The following HERC2 variants were observed in gnomAD, a reference collection of about 807,000 sequenced individuals.
HERC2 encodes the protein E3 ubiquitin-protein ligase HERC2.
Under a neutral mutation model 537.7 loss-of-function variants are expected in HERC2, and 102 were observed. The ratio of observed to expected loss-of-function variants is 0.19; its 90% CI spans 0.16 to 0.22. The LOEUF is 0.22. HERC2 is among the 10% of genes least tolerant of loss of function. HERC2 has a pLI of 1.00. For synonymous variants in HERC2, 2,224 were observed against 2,466.2 expected (o/e 0.90, Z 2.91); for missense variants, 4,236 against 6,198.2 (o/e 0.68, Z 10.63).
chr15:28,189,215 G>C (rs1407565345), intron 55 of HERC2, among the ~76,000 whole-genome samples: 1 of 152,216 alleles, frequency 6.6e-6, no homozygotes, highest in Non-Finnish European at 1.5e-5. Flanking sequence ...GGTTAGGTCA[G>C]GAGTTTTCCA....
chr15:28,237,685 C>T (rs1441743857), intron 25 of HERC2, among the ~76,000 whole-genome samples: 1 of 152,272 alleles, frequency 6.6e-6, no homozygotes, highest in East Asian at 1.9e-4. Flanking sequence ...TATTACTTGT[C>T]GATACCTGGA....
At chr15:28,246,636 G>A in intron 22 of HERC2, 106 bp downstream of exon 22, 2 of 1,020,610 alleles carry the variant, frequency 2.0e-6, no homozygotes, top group Admixed American at 3.2e-5. Flanking sequence ...AGGAGGCCCA[G>A]AAAATTTAGA....
At chr15:28,284,014 T>C (rs1198262310) in intron 4 of HERC2, among the ~76,000 whole-genome samples, 9 of 152,236 alleles carry the variant, frequency 5.9e-5, no homozygotes, top group Non-Finnish European at 1.3e-4. Context: ...GTTTTATATA[T>C]AACTTATACA....
intron 20 of HERC2, among the ~76,000 whole-genome samples, chr15:28,251,380 C>A (rs962685688): frequency 1.1e-4 from 17 of 149,976 alleles, no homozygotes; most frequent in Non-Finnish European, 4.4e-5. Flanking sequence ...GAGGCAGAGG[C>A]TGCAGTGAGC....
rs780325521 is a variant in HERC2, at chr15:28,272,223, C to T, written c.1075G>A (p.Asp359Asn). Reference sequence around the variant, plus strand: ...TCCATCATGACACTCACGTGCATGTCGCCCTCGGAGTGGGGTGCATCCTTC... The same window carrying T: ...TCCATCATGACACTCACGTGCATGTTGCCCTCGGAGTGGGGTGCATCCTTC... ...CRKDAPHSEGDMHLLSGPLSP... is the reference protein window; with the variant it reads ...CRKDAPHSEGNMHLLSGPLSP... Residue 359 changes from aspartate to asparagine, a missense_variant, in exon 9 of 93, where the codon GAC (aspartate) becomes AAC (asparagine). By Grantham distance (23) the Asp-to-Asn change is conservative. This residue lies in a region of HERC2 where 491 missense variants were observed against 559.3 expected (regional missense o/e 0.88). Transcript: ENST00000261609. The T allele has an allele frequency of 3.8e-6, 6 of 1,596,594 alleles. No homozygotes were observed. Among genetic ancestry groups the T allele is most frequent in the Admixed American group, 3.5e-5 (2 of 56,946 alleles).
At chr15:28,187,681 G>A (rs1896442934) in intron 55 of HERC2, among the ~76,000 whole-genome samples, 1 of 152,112 alleles carries the variant, frequency 6.6e-6, no homozygotes, top group Admixed American at 6.6e-5. Flanking sequence ...TATTATCATA[G>A]CACAAACAAT....
At chr15:28,247,592 C>A (rs1340617753) in intron 21 of HERC2, among the ~76,000 whole-genome samples, 2 of 151,988 alleles carry the variant, frequency 1.3e-5, no homozygotes, top group African/African-American at 4.8e-5. Context: ...CTATGCCCAG[C>A]TAATTTTTTG....
At chr15:28,184,374 CTGT>C (rs1316111944) in intron 56 of HERC2, among the ~76,000 whole-genome samples, 2 of 152,022 alleles carry the variant, frequency 1.3e-5, no homozygotes, top group Non-Finnish European at 2.9e-5. Context: ...GGTGGCAGCC[CTGT>C]AGGAGGAGAC....
chr15:28,240,015 T>C (rs1902889857), intron 23 of HERC2, among the ~76,000 whole-genome samples: 1 of 152,110 alleles, frequency 6.6e-6, no homozygotes, highest in Non-Finnish European at 1.5e-5. Context: ...GATTAAGGAA[T>C]CACTGTTAAT....
chr15:28,269,039 A>G (rs1298152454), intron 11 of HERC2, among the ~76,000 whole-genome samples: 1 of 152,266 alleles, frequency 6.6e-6, no homozygotes, highest in Admixed American at 6.5e-5. Context: ...CACGATTAGC[A>G]ATGAGTTTCA....
In HERC2 at chr15:28,192,170, A is replaced by G; in HGVS notation, c.8261-19T>C. The G allele has an allele frequency of 6.3e-7, 1 of 1,599,874 alleles. No individual in the cohort carries two copies. Among genetic ancestry groups the G allele is most frequent in the South Asian group, 1.1e-5 (1 of 90,658 alleles). On this transcript the variant is annotated intron_variant, in intron 52 of 92. Coordinates refer to ENST00000261609, the MANE Select transcript of HERC2 (RefSeq NM_004667.6). ...GACTGACCTATTTCGTGATAGTCAA[A>G]AAGAGAATTAACCCTTGCTGAACTG...
intron 15 of HERC2, 22 bp from the exon 16 acceptor site, chr15:28,260,992 G>A: frequency 6.3e-7 from 1 of 1,589,850 alleles, no homozygotes; most frequent in East Asian, 2.2e-5. Flanking sequence ...GAGGGATGCA[G>A]ATGCAGCTTC....
intron 2 of HERC2, among the ~76,000 whole-genome samples, chr15:28,305,614 G>A (rs1410832968): frequency 3.6e-5 from 4 of 112,478 alleles, no homozygotes; most frequent in Admixed American, 9.8e-5. Context: ...GGACATAGGC[G>A]TGGGCAAGGA....
chr15:28,310,108 C>T (rs1311326898), intron 2 of HERC2, among the ~76,000 whole-genome samples: 36 of 152,128 alleles, frequency 2.4e-4, no homozygotes, highest in Admixed American at 2.4e-3. Flanking sequence ...AGTTTAAAAC[C>T]AATCTAGGCA....
chr15:28,218,507 C>T lies in HERC2; in HGVS notation c.6010G>A (p.Gly2004Arg), dbSNP rs772230438. Residue 2004 changes from glycine to arginine, a missense_variant, in exon 38 of 93, where the codon GGA becomes AGA. This residue lies in a region of HERC2 where 365 missense variants were observed against 468.8 expected (regional missense o/e 0.78). Coordinates refer to ENST00000261609, the MANE Select transcript of HERC2 (RefSeq NM_004667.6). ...TCCATACATGTCTTGTCCGTCGTTC[C>T]GCTTTCCACTAACATTCGCAGCAGT... is the stretch of plus-strand genomic sequence containing the variant. ...CGLLRMLVES[G>R]TTDKTSSPNR... is the part of the protein sequence containing the mutation. 1.4e-5 allele frequency: 23 copies of T among 1,595,988 alleles called. No individual in the cohort carries two copies. Among genetic ancestry groups the T allele is most frequent in the Admixed American group, 8.3e-5 (5 of 59,996 alleles).
At position 28,111,522 on chromosome 15, in the gene HERC2, T is replaced by C; in HGVS notation, c.*241A>G. ...ACTTTAGTAAACACAGTCCTACATG[T>C]AATGCAGCATTACGGGTGAGAAGAC... On this transcript the variant is annotated 3_prime_UTR_variant, in exon 93 of 93. Transcript: ENST00000261609. 1 of 567,218 alleles carries C rather than the reference T, an allele frequency of 1.8e-6. No homozygotes were observed. The allele number at this position is 567,218 out of a possible 1,614,324, so 35.1% of individuals were successfully genotyped here. A position where few individuals can be genotyped will look rare whatever the true frequency, so the allele number is the denominator to read the frequency against.
In HERC2 at chr15:28,246,726, A is replaced by G; in HGVS notation, c.3391+16T>C. ...TCCTAAAATAAACATGTACACAAGC[A>G]GGAAACAAAAGGTACCAGTAAAGTC... On this transcript the variant is annotated intron_variant, in intron 22 of 92. Coordinates refer to ENST00000261609, the MANE Select transcript of HERC2 (RefSeq NM_004667.6). 1 of 1,544,576 alleles carries G rather than the reference A, an allele frequency of 6.5e-7. No individual in the cohort carries two copies. Among genetic ancestry groups the G allele is most frequent in the Non-Finnish European group, 8.7e-7 (1 of 1,148,346 alleles).
At chr15:28,118,958 T>C (rs1038988902) in intron 86 of HERC2, among the ~76,000 whole-genome samples, 3 of 151,996 alleles carry the variant, frequency 2.0e-5, no homozygotes, top group Non-Finnish European at 4.4e-5. Flanking sequence ...GGCTGAAGGG[T>C]GTTTATCTGA....
chr15:28,152,737 C>T lies in HERC2; in HGVS notation c.10840G>A (p.Val3614Met), dbSNP rs1344102518. 17 of 1,552,076 alleles carry T rather than the reference C, an allele frequency of 1.1e-5. No homozygotes were observed. Among genetic ancestry groups the T allele is most frequent in the Non-Finnish European group, 1.5e-5 (17 of 1,147,338 alleles). The change falls in exon 70 of 93, where the codon GTG (valine) becomes ATG (methionine). Residue 3614 changes from valine to methionine, a missense_variant. Val to Met is a conservative substitution (Grantham distance 21). This residue lies in a region of HERC2 where 356 missense variants were observed against 450.9 expected (regional missense o/e 0.79). Coordinates refer to ENST00000261609, the MANE Select transcript of HERC2 (RefSeq NM_004667.6). ...TCGGTGTAAGGGTGGCTACTCTCCA[C>T]CACCACAGGCTGAGAAGAGAGGCGG... ...SGRLSSQPVVVESSHPYTDDT... is the reference protein window; with the variant it reads ...SGRLSSQPVVMESSHPYTDDT...
Sources: allele counts gnomAD v4.1 joint callset (sites outside exome capture counted in the v4.1 genomes callset), GRCh38; gene constraint gnomAD v4.1.1; regional missense constraint gnomAD v4.1.1; transcripts MANE v1.5; gene names NCBI Gene and HGNC (gene_info 2026-07-23, HGNC 2026-07-21).